TTC7B: variants seen among roughly 807,000 people sequenced by gnomAD.
The protein encoded by TTC7B is tetratricopeptide repeat domain 7B.
TTC7B carries 28 observed loss-of-function variants against 106.8 expected under a neutral mutation model. The ratio of observed to expected loss-of-function variants is 0.26; its 90% CI spans 0.19 to 0.36. The LOEUF is 0.36. Ranked by LOEUF, TTC7B falls within the 10% of genes least tolerant of loss-of-function variation. The pLI is 1.00. For synonymous variants in TTC7B, 405 were observed against 430.6 expected (o/e 0.94, Z 0.74); for missense variants, 862 against 1,076.4 (o/e 0.80, Z 2.79).
Position 90,541,029 on chromosome 14 carries a change from T to A in TTC7B, c.*339A>T. 1 of 264,154 alleles carries A rather than the reference T, an allele frequency of 3.8e-6. No individual in the cohort carries two copies. Among genetic ancestry groups the A allele is most frequent in the Non-Finnish European group, 7.1e-6 (1 of 140,452 alleles). 16.4% of individuals were successfully genotyped at this position (264,154 alleles called of 1,614,324 possible). A position where few individuals can be genotyped will look rare whatever the true frequency, so the allele number is the denominator to read the frequency against. ...TGATAAAAATAATCTGTGCTGCCAC[T>A]GAATTTTAACTTTGAATATATTCTT... On this transcript the variant is annotated 3_prime_UTR_variant, in exon 20 of 20. Coordinates refer to ENST00000328459, the MANE Select transcript of TTC7B (RefSeq NM_001010854.2).
chr14:90,672,290 T>A (rs978429861), intron 9 of TTC7B, among the ~76,000 whole-genome samples: 1 of 152,138 alleles, frequency 6.6e-6, no homozygotes, highest in Non-Finnish European at 1.5e-5. Flanking sequence ...TAAAAGAAGA[T>A]CTAGCAAGGT....
intron 9 of TTC7B, among the ~76,000 whole-genome samples, chr14:90,671,212 C>CT (rs1263057292): frequency 2.0e-5 from 3 of 152,178 alleles, no homozygotes. Flanking sequence ...ATGTGCAATG[C>CT]TTTTCACTGT....
intron 13 of TTC7B, 53 bp downstream of exon 13, chr14:90,652,788 C>G (rs987394117): frequency 4.4e-6 from 7 of 1,577,424 alleles, no homozygotes; most frequent in South Asian, 3.3e-5. Flanking sequence ...TTATACTCAT[C>G]ATACTTTGGT....
chr14:90,683,143 T>C (rs1268618362), intron 7 of TTC7B, among the ~76,000 whole-genome samples: 1 of 152,224 alleles, frequency 6.6e-6, no homozygotes, highest in East Asian at 1.9e-4. Flanking sequence ...TTAGCCATTA[T>C]ATAACTAATG....
rs945651106 is a variant in TTC7B, at chr14:90,528,812, G to C, written c.*12556C>G. 6.6e-6 allele frequency: 1 copy of C among 151,320 alleles called. No individual in the cohort carries two copies. Among genetic ancestry groups the C allele is most frequent in the Non-Finnish European group, 1.5e-5 (1 of 68,530 alleles). The allele number at this position is 151,320 out of a possible 1,614,324, so 9.4% of individuals were successfully genotyped here. ...TTGTTTCTGGTGGTGTGACCCAACT[G>C]CACTTTGTTACCTGTTTCTGATGGT... is the stretch of plus-strand genomic sequence containing the variant. On this transcript the variant is annotated 3_prime_UTR_variant, in exon 20 of 20. Coordinates refer to ENST00000328459, the MANE Select transcript of TTC7B (RefSeq NM_001010854.2).
In TTC7B at chr14:90,730,202, A is replaced by C. The variant is rs1429280280; in HGVS notation, c.577-6T>G. 1.3e-6 allele frequency: 2 copies of C among 1,594,334 alleles called. No individual in the cohort carries two copies. Among genetic ancestry groups the C allele is most frequent in the Admixed American group, 3.7e-5 (2 of 53,458 alleles). On this transcript the variant is annotated splice_polypyrimidine_tract_variant and splice_region_variant and intron_variant, in intron 4 of 19. Coordinates refer to ENST00000328459, the MANE Select transcript of TTC7B (RefSeq NM_001010854.2). ...TGAATATTAGAAAGTATTACCTAGAAGGGGAGAAAATTGGAAAACTAATCA... is the reference window on the plus strand; with the variant it reads ...TGAATATTAGAAAGTATTACCTAGACGGGGAGAAAATTGGAAAACTAATCA...
chr14:90,576,791 C>T (rs1336977935), intron 19 of TTC7B, among the ~76,000 whole-genome samples: 3 of 152,322 alleles, frequency 2.0e-5, no homozygotes, highest in East Asian at 3.9e-4. Context: ...GTGCCCAGCC[C>T]CTTTCTACAT....
intron 1 of TTC7B, among the ~76,000 whole-genome samples, chr14:90,790,270 C>G (rs553520116): frequency 1.3e-5 from 2 of 150,026 alleles, no homozygotes; most frequent in African/African-American, 4.9e-5. Context: ...TTACATTGAG[C>G]AAAATTCTTT....
intron 1 of TTC7B, among the ~76,000 whole-genome samples, chr14:90,804,183 A>C (rs1320681934): frequency 6.6e-6 from 1 of 151,942 alleles, no homozygotes; most frequent in Non-Finnish European, 1.5e-5. Context: ...AAAATACAAA[A>C]AATTAGCCGG....
intron 17 of TTC7B, among the ~76,000 whole-genome samples, chr14:90,606,567 A>G (rs1892647757): frequency 6.6e-6 from 1 of 152,240 alleles, no homozygotes; most frequent in African/African-American, 2.4e-5. Context: ...ATTCCAAAGA[A>G]AAGACAATGA....
At chr14:90,553,224 G>A (rs1275957600) in intron 19 of TTC7B, among the ~76,000 whole-genome samples, 3 of 152,232 alleles carry the variant, frequency 2.0e-5, no homozygotes, top group Admixed American at 6.5e-5. Flanking sequence ...AGCTGATGGC[G>A]GCAGGGGCTG....
chr14:90,681,488 C>CA (rs35635095), intron 7 of TTC7B, among the ~76,000 whole-genome samples: 50,925 of 141,060 alleles, frequency 0.36, 8,925 homozygotes, highest in East Asian at 0.6. Flanking sequence ...CAATAAAAGG[C>CA]AAAAAAAAAA....
At position 90,744,879 on chromosome 14, in the gene TTC7B, A is replaced by G; in HGVS notation, c.489T>C (p.Asn163=). The change falls in exon 4 of 20, where the codon AAT becomes AAC. Residue 163 remains asparagine, a synonymous_variant. Transcript: ENST00000328459. The part of the protein sequence containing the change: ...EKLPISSSTS[N]LHVDREQDVI... The stretch of plus-strand genomic sequence containing the variant: ...CATCCTGTTCCCGGTCCACATGGAG[A>G]TTACTGGTAGAAGAAGAAATAGGCA... The G allele has an allele frequency of 8.1e-6, 13 of 1,614,034 alleles. No individual in the cohort carries two copies. Among genetic ancestry groups the G allele is most frequent in the Non-Finnish European group, 1.1e-5 (13 of 1,179,996 alleles).
At chr14:90,634,911 T>A (rs1884866359) in intron 15 of TTC7B, among the ~76,000 whole-genome samples, 1 of 152,206 alleles carries the variant, frequency 6.6e-6, no homozygotes, top group Non-Finnish European at 1.5e-5. Context: ...GATTCACCCC[T>A]AGATGTGTCA....
At chr14:90,612,116 T>G (rs901048232) in intron 16 of TTC7B, among the ~76,000 whole-genome samples, 1 of 152,110 alleles carries the variant, frequency 6.6e-6, no homozygotes, top group Non-Finnish European at 1.5e-5. Flanking sequence ...CTAACTACAT[T>G]AGAGAAATCC....
At chr14:90,670,624 T>C (rs1886595822) in intron 9 of TTC7B, among the ~76,000 whole-genome samples, 1 of 152,190 alleles carries the variant, frequency 6.6e-6, no homozygotes, top group African/African-American at 2.4e-5. Flanking sequence ...CCCAAACGTG[T>C]TGGCATTTTC....
intron 4 of TTC7B, among the ~76,000 whole-genome samples, chr14:90,738,989 C>A (rs1157438007): frequency 6.6e-6 from 1 of 152,158 alleles, no homozygotes; most frequent in Non-Finnish European, 1.5e-5. Flanking sequence ...TGCACCACTG[C>A]ACTCCAGCCT....
At chr14:90,733,745 G>A (rs76314691) in intron 4 of TTC7B, among the ~76,000 whole-genome samples, 6,661 of 152,248 alleles carry the variant, frequency 0.044, 193 homozygotes, top group Non-Finnish European at 0.06. Flanking sequence ...AGACCGAGGC[G>A]CGAGGTCTGG....
intron 3 of TTC7B, among the ~76,000 whole-genome samples, chr14:90,773,753 G>A (rs566500883): frequency 5.7e-4 from 87 of 152,094 alleles, no homozygotes; most frequent in Non-Finnish European, 9.4e-4. Flanking sequence ...AAAACAGACC[G>A]AGTCTTTCTT....
Sources: allele counts gnomAD v4.1 joint callset (sites outside exome capture counted in the v4.1 genomes callset), GRCh38; gene constraint gnomAD v4.1.1; transcripts MANE v1.5; gene names NCBI Gene and HGNC (gene_info 2026-07-23, HGNC 2026-07-21).